PITPNC1: variants seen among roughly 807,000 people sequenced by gnomAD.
PITPNC1 encodes cytoplasmic phosphatidylinositol transfer protein 1.
In PITPNC1, 18 loss-of-function variants were observed where a neutral mutation model predicts 44.7. The ratio of observed to expected loss-of-function variants is 0.40; its 90% CI spans 0.28 to 0.60. PITPNC1 has a LOEUF of 0.60. Among genes scored for constraint, PITPNC1 ranks in the 20% least tolerant of loss-of-function variants. PITPNC1 has a pLI of 0.39. For synonymous variants in PITPNC1, 141 were observed against 149.6 expected, an observed-to-expected ratio of 0.94 and a Z score of 0.42; for missense variants, 290 against 418.4, an observed-to-expected ratio of 0.69 and a Z score of 2.68.
intron 5 of PITPNC1, among the ~76,000 whole-genome samples, chr17:67,622,310 A>G (rs921059102): frequency 6.6e-6 from 1 of 151,088 alleles, no homozygotes; most frequent in Admixed American, 6.6e-5. Flanking sequence ...CATAAAGAGT[A>G]TCTTTTTTAT....
chr17:67,538,614 AATAG>A (rs1287464342), intron 2 of PITPNC1, among the ~76,000 whole-genome samples: 1 of 152,100 alleles, frequency 6.6e-6, no homozygotes, highest in African/African-American at 2.4e-5. Flanking sequence ...TAAATAAATA[AATAG>A]ATAGATAAAT....
At chr17:67,396,108 T>C (rs922793000) in intron 1 of PITPNC1, among the ~76,000 whole-genome samples, 2 of 152,204 alleles carry the variant, frequency 1.3e-5, no homozygotes, top group Non-Finnish European at 2.9e-5. Context: ...GAGATTTTTC[T>C]TTTTGCCAAA....
At chr17:67,574,456 C>T (rs2041107482) in intron 4 of PITPNC1, among the ~76,000 whole-genome samples, 1 of 152,042 alleles carries the variant, frequency 6.6e-6, no homozygotes, top group Non-Finnish European at 1.5e-5. Flanking sequence ...TGATCAGCTG[C>T]AAGGGAGAGG....
chr17:67,430,909 A>G (rs1030572698), intron 1 of PITPNC1, among the ~76,000 whole-genome samples: 1 of 152,058 alleles, frequency 6.6e-6, no homozygotes, highest in Non-Finnish European at 1.5e-5. Flanking sequence ...TGATCACACC[A>G]CTGCACTCCA....
chr17:67,540,603 T>C (rs1460318846), intron 2 of PITPNC1, among the ~76,000 whole-genome samples: 1 of 152,222 alleles, frequency 6.6e-6, no homozygotes, highest in Non-Finnish European at 1.5e-5. Context: ...ATTTTTTATA[T>C]ATTTTTTATG....
intron 6 of PITPNC1, among the ~76,000 whole-genome samples, chr17:67,644,417 C>A (rs1196347642): frequency 6.7e-6 from 1 of 149,512 alleles, no homozygotes; most frequent in Non-Finnish European, 1.5e-5. Context: ...GGAGAACTTC[C>A]CTCTGTAATT....
intron 4 of PITPNC1, among the ~76,000 whole-genome samples, chr17:67,576,269 T>C (rs9906696): frequency 0.078 from 11,838 of 152,028 alleles, 1,563 homozygotes; most frequent in African/African-American, 0.27. Flanking sequence ...GTATGGACAC[T>C]GAGACCTGGC....
chr17:67,453,580 G>C (rs1048058929), intron 1 of PITPNC1, among the ~76,000 whole-genome samples: 2 of 152,154 alleles, frequency 1.3e-5, no homozygotes, highest in Non-Finnish European at 2.9e-5. Flanking sequence ...TGTAAAGAGA[G>C]TAAACAAATA....
At chr17:67,422,727 A>G (rs2038688586) in intron 1 of PITPNC1, among the ~76,000 whole-genome samples, 1 of 152,068 alleles carries the variant, frequency 6.6e-6, no homozygotes, top group South Asian at 2.1e-4. Context: ...TTTAGTAGGG[A>G]TGGGTTTCAC....
chr17:67,640,523 T>C (rs2042081025), intron 6 of PITPNC1, among the ~76,000 whole-genome samples: 1 of 142,966 alleles, frequency 7.0e-6, no homozygotes, highest in East Asian at 2.1e-4. Context: ...CTACTAAAAA[T>C]ACAAAAATTA....
intron 1 of PITPNC1, among the ~76,000 whole-genome samples, chr17:67,391,086 T>TGTGTGTGTGTGTGTGTG: frequency 6.6e-6 from 1 of 151,746 alleles, no homozygotes; most frequent in African/African-American, 2.4e-5. Context: ...TGTGTGTGTG[T>TGTGTGTGTGTGTGTGTG]TTAATCTTTT....
At chr17:67,395,395 T>C (rs2038204083) in intron 1 of PITPNC1, among the ~76,000 whole-genome samples, 1 of 152,152 alleles carries the variant, frequency 6.6e-6, no homozygotes. Context: ...GCAATCCTCC[T>C]GTCTTGGCCT....
intron 1 of PITPNC1, among the ~76,000 whole-genome samples, chr17:67,515,263 A>G (rs1402238938): frequency 6.6e-6 from 1 of 152,184 alleles, no homozygotes; most frequent in African/African-American, 2.4e-5. Flanking sequence ...GCAGTTCTGG[A>G]AACGTCTTCC....
chr17:67,528,918 C>T (rs2144121755), intron 1 of PITPNC1, among the ~76,000 whole-genome samples: 1 of 152,196 alleles, frequency 6.6e-6, no homozygotes, highest in African/African-American at 2.4e-5. Context: ...GCAACAAAAC[C>T]ACTGCTCCTG....
intron 1 of PITPNC1, among the ~76,000 whole-genome samples, chr17:67,427,177 T>A (rs1331243666): frequency 1.3e-5 from 2 of 152,106 alleles, no homozygotes. Flanking sequence ...CTGGCTACTT[T>A]CTTTCTTTCC....
intron 4 of PITPNC1, among the ~76,000 whole-genome samples, chr17:67,556,956 TGAG>T (rs1264840879): frequency 2.0e-5 from 3 of 152,140 alleles, no homozygotes; most frequent in South Asian, 2.1e-4. Flanking sequence ...GGGAGAAATA[TGAG>T]GAGGTTTCTC....
intron 1 of PITPNC1, among the ~76,000 whole-genome samples, chr17:67,502,753 G>GTA (rs1484151399): frequency 2.0e-5 from 1 of 49,440 alleles, no homozygotes; most frequent in Non-Finnish European, 5.8e-5. Context: ...GCATTGTATT[G>GTA]TATTGTATTG....
chr17:67,580,923 C>A (rs984453936), intron 5 of PITPNC1, among the ~76,000 whole-genome samples: 21 of 152,162 alleles, frequency 1.4e-4, no homozygotes, highest in African/African-American at 4.8e-4. Context: ...GGCACACACA[C>A]CTGTGGTTGC....
At chr17:67,545,206 G>A (rs879485373) in intron 2 of PITPNC1, among the ~76,000 whole-genome samples, 6 of 152,164 alleles carry the variant, frequency 3.9e-5, no homozygotes, top group Admixed American at 2.0e-4. Flanking sequence ...TAGCTACTCA[G>A]GAGGCTGAGG....
Sources: allele counts gnomAD v4.1 joint callset (sites outside exome capture counted in the v4.1 genomes callset), GRCh38; gene constraint gnomAD v4.1.1; transcripts MANE v1.5; gene names NCBI Gene and HGNC (gene_info 2026-07-23, HGNC 2026-07-21).